The following TBC1D8 variants were observed in gnomAD, a reference collection of about 807,000 sequenced individuals.
TBC1D8 encodes the protein TBC1 domain family member 8.
TBC1D8 carries 65 observed loss-of-function variants against 118.8 expected under a neutral mutation model. The observed-to-expected ratio is 0.55, with a 90% confidence interval of 0.45 to 0.67. The LOEUF is 0.67. TBC1D8 is among the 30% of genes least tolerant of loss of function. The pLI is 0.00. For missense variants in TBC1D8, 1,376 were observed against 1,471.2 expected (o/e 0.94, Z 1.06); for synonymous variants, 566 against 595.8 (o/e 0.95, Z 0.73).
chr2:101,097,326 G>A (rs1208195102), intron 1 of TBC1D8, among the ~76,000 whole-genome samples: 1 of 152,092 alleles, frequency 6.6e-6, no homozygotes, highest in East Asian at 1.9e-4. Flanking sequence ...ATTATTCAGA[G>A]AGAAAGAAAA....
At chr2:101,121,010 T>C (rs529037896) in intron 1 of TBC1D8, among the ~76,000 whole-genome samples, 3 of 152,326 alleles carry the variant, frequency 2.0e-5, no homozygotes, top group African/African-American at 7.2e-5. Flanking sequence ...CCCTATTAAA[T>C]TCAGCTGCCT....
At chr2:101,021,160 T>A (rs939724577) in intron 17 of TBC1D8, among the ~76,000 whole-genome samples, 1 of 152,112 alleles carries the variant, frequency 6.6e-6, no homozygotes, top group Non-Finnish European at 1.5e-5. Flanking sequence ...TCTCTATTAG[T>A]TTTTAAGATC....
At chr2:101,079,680 G>GTTTTTTTTTTTTTT (rs35466679) in intron 2 of TBC1D8, among the ~76,000 whole-genome samples, 1 of 81,792 alleles carries the variant, frequency 1.2e-5, no homozygotes. Context: ...GTCCAGTCTG[G>GTTTTTTTTTTTTTT]TTTTTTTTTT....
At chr2:101,061,717 C>T (rs1682763664) in intron 2 of TBC1D8, among the ~76,000 whole-genome samples, 3 of 152,158 alleles carry the variant, frequency 2.0e-5, no homozygotes, top group African/African-American at 7.2e-5. Context: ...GTCCAAGCAG[C>T]AGCCCACTCA....
rs1281062145 is a variant in TBC1D8 at position 101,008,268 on chromosome 2, T to G, written c.3021A>C (p.Glu1007Asp). 4 of 1,524,902 alleles carry G rather than the reference T, an allele frequency of 2.6e-6. No individual in the cohort carries two copies. Among genetic ancestry groups the G allele is most frequent in the Non-Finnish European group, 3.5e-6 (4 of 1,137,160 alleles). 94.5% of individuals were successfully genotyped at this position (1,524,902 alleles called of 1,614,324 possible). A position where few individuals can be genotyped will look rare whatever the true frequency, so the allele number is the denominator to read the frequency against. Residue 1007 changes from glutamate to aspartate, a missense_variant, in exon 20 of 20, where the codon GAA (glutamate) becomes GAC (aspartate). By Grantham distance (45) the Glu-to-Asp change is conservative. Transcript: ENST00000409318. ...EKELPKMSQR[E>D]FIQFCKTLYS... ...ACAGAGTTTTACAGAACTGGATAAA[T>G]TCTCTCTGAAATTGAAATAAGTCTT...
At chr2:101,023,648 G>A in intron 15 of TBC1D8, 1 of 430,592 alleles carries the variant, frequency 2.3e-6, no homozygotes, top group Non-Finnish European at 4.7e-6. Flanking sequence ...GTGAGTTGAA[G>A]TCTTGGGAAT....
chr2:101,064,835 C>T (rs1682935645), intron 2 of TBC1D8, among the ~76,000 whole-genome samples: 1 of 152,140 alleles, frequency 6.6e-6, no homozygotes, highest in African/African-American at 2.4e-5. Context: ...ATACCATACA[C>T]ATAATATTAC....
At chr2:101,064,490 A>T (rs914555275) in intron 2 of TBC1D8, among the ~76,000 whole-genome samples, 2 of 152,158 alleles carry the variant, frequency 1.3e-5, no homozygotes, top group African/African-American at 4.8e-5. Flanking sequence ...TAAAACCAAA[A>T]TTTATAGCAA....
intron 1 of TBC1D8, among the ~76,000 whole-genome samples, chr2:101,105,607 A>AAAAAT (rs766935427): frequency 1.4e-5 from 1 of 72,532 alleles, no homozygotes; most frequent in East Asian, 4.7e-4. Context: ...AAAAAAAAAA[A>AAAAAT]ACATATATAT....
At chr2:101,151,068 C>A (rs1029569159) in intron 1 of TBC1D8, 59 bp downstream of exon 1, 2 of 427,042 alleles carry the variant, frequency 4.7e-6, no homozygotes, top group Non-Finnish European at 6.2e-6. Flanking sequence ...GGGCCGCGGG[C>A]CCGGCGGGGT....
intron 3 of TBC1D8, among the ~76,000 whole-genome samples, chr2:101,055,412 C>G (rs1254090531): frequency 6.6e-6 from 1 of 151,746 alleles, no homozygotes; most frequent in Non-Finnish European, 1.5e-5. Context: ...TTGAGAAAAA[C>G]TCATGAAGAT....
chr2:101,085,142 C>T (rs927001168), intron 2 of TBC1D8, among the ~76,000 whole-genome samples: 1 of 152,000 alleles, frequency 6.6e-6, no homozygotes, highest in African/African-American at 2.4e-5. Context: ...TGAGCCACCG[C>T]GCCCAGCCAG....
intron 1 of TBC1D8, among the ~76,000 whole-genome samples, chr2:101,130,117 T>A (rs1346123116): frequency 6.6e-6 from 1 of 151,844 alleles, no homozygotes; most frequent in Non-Finnish European, 1.5e-5. Context: ...CAACAATGAG[T>A]CGAGGGCCGG....
intron 1 of TBC1D8, among the ~76,000 whole-genome samples, chr2:101,150,111 G>T (rs997677706): frequency 6.6e-6 from 1 of 152,112 alleles, no homozygotes; most frequent in African/African-American, 2.4e-5. Flanking sequence ...CAGTTCCTTT[G>T]CACTTGGTTC....
At chr2:101,108,780 AC>A (rs1488893083) in intron 1 of TBC1D8, among the ~76,000 whole-genome samples, 1 of 151,678 alleles carries the variant, frequency 6.6e-6, no homozygotes, top group Non-Finnish European at 1.5e-5. Context: ...CTGATAAGCA[AC>A]CTTACTTCCA....
Position 101,022,443 on chromosome 2 carries a change from C to T in TBC1D8, c.2599G>A (p.Glu867Lys), listed in dbSNP as rs1257916116. Residue 867 changes from glutamate (E) to lysine (K), a missense_variant, in exon 16 of 20, where the codon GAG (glutamate) becomes AAG (lysine). Glu to Lys is a moderately conservative substitution (Grantham distance 56). Transcript: ENST00000409318. ...SRHDPSRPYA[E>K]QYRIDARQFA... ...TGCCGGGCATCTATGCGGTACTGCT[C>T]AGCATAGGGCCGGCTGGGGTCGTGG... 1.9e-6 allele frequency: 3 copies of T among 1,611,634 alleles called. No individual in the cohort carries two copies. Among genetic ancestry groups the T allele is most frequent in the Non-Finnish European group, 2.5e-6 (3 of 1,179,162 alleles).
intron 1 of TBC1D8, among the ~76,000 whole-genome samples, chr2:101,148,101 T>C (rs1007732972): frequency 6.6e-6 from 1 of 152,010 alleles, no homozygotes; most frequent in Non-Finnish European, 1.5e-5. Flanking sequence ...ACCAGAGAAG[T>C]TAGTGTGATG....
chr2:101,035,248 G>C (rs941512374), intron 9 of TBC1D8, among the ~76,000 whole-genome samples: 2 of 152,126 alleles, frequency 1.3e-5, no homozygotes, highest in African/African-American at 4.8e-5. Context: ...GCACCCTGAG[G>C]AGCAGCAAAG....
chr2:101,016,421 A>G (rs912908074), intron 17 of TBC1D8, among the ~76,000 whole-genome samples: 2 of 152,072 alleles, frequency 1.3e-5, no homozygotes, highest in Non-Finnish European at 2.9e-5. Flanking sequence ...AAGTCAGGAA[A>G]CAACAGGTGC....
Sources: allele counts gnomAD v4.1 joint callset (sites outside exome capture counted in the v4.1 genomes callset), GRCh38; gene constraint gnomAD v4.1.1; transcripts MANE v1.5; gene names NCBI Gene and HGNC (gene_info 2026-07-23, HGNC 2026-07-21).